Variants in CNTNAP4 observed in about 807,000 individuals in gnomAD.
The protein encoded by CNTNAP4 is contactin associated protein family member 4.
CNTNAP4 carries 98 observed loss-of-function variants against 148.4 expected under a neutral mutation model. The ratio of observed to expected loss-of-function variants is 0.66; its 90% confidence interval spans 0.56 to 0.78. CNTNAP4 has a LOEUF of 0.78. Ranked by LOEUF, CNTNAP4 falls within the 30% of genes least tolerant of loss-of-function variation. The pLI is 0.00. For synonymous variants in CNTNAP4, 730 were observed against 565.1 expected, an observed-to-expected ratio of 1.29 and a Z score of -4.14; for missense variants, 1,935 against 1,565.6, an observed-to-expected ratio of 1.24 and a Z score of -3.98.
chr16:76,298,482 ATGTATGTGTGTGTG>A (rs1180888696), intron 1 of CNTNAP4, among the ~76,000 whole-genome samples: 3 of 125,700 alleles, frequency 2.4e-5, no homozygotes, highest in African/African-American at 1.2e-4. Context: ...ATGTGTGTAC[ATGTATGTGTGTGTG>A]TGTGTGTGTG....
At chr16:76,447,082 C>T (rs1399490355) in intron 4 of CNTNAP4, among the ~76,000 whole-genome samples, 1 of 152,054 alleles carries the variant, frequency 6.6e-6, no homozygotes, top group Non-Finnish European at 1.5e-5. Context: ...CTGAGGTAGG[C>T]AGATCGCCTA....
intron 3 of CNTNAP4, among the ~76,000 whole-genome samples, chr16:76,423,532 A>G (rs1450300119): frequency 1.3e-5 from 2 of 152,230 alleles, no homozygotes; most frequent in Non-Finnish European, 2.9e-5. Flanking sequence ...ACTTAAATCC[A>G]TGCATTCCTT....
At chr16:76,535,932 G>C (rs954614708) in intron 18 of CNTNAP4, 148 bp downstream of exon 18, 11 of 782,598 alleles carry the variant, frequency 1.4e-5, no homozygotes, top group Non-Finnish European at 2.2e-5. Context: ...TAAAGAATGA[G>C]TACAAGATCC....
intron 2 of CNTNAP4, among the ~76,000 whole-genome samples, chr16:76,319,115 A>G (rs887225482): frequency 6.6e-6 from 1 of 152,078 alleles, no homozygotes; most frequent in Non-Finnish European, 1.5e-5. Flanking sequence ...CATTGCTACT[A>G]AAAGTGGCTC....
intron 15 of CNTNAP4, among the ~76,000 whole-genome samples, chr16:76,505,171 T>A (rs183239319): frequency 2.6e-5 from 4 of 152,172 alleles, no homozygotes; most frequent in African/African-American, 9.7e-5. Flanking sequence ...TTGTTATTAT[T>A]ATTGGCTTTA....
chr16:76,342,912 A>C (rs16944247), intron 2 of CNTNAP4, among the ~76,000 whole-genome samples: 340 of 152,292 alleles, frequency 2.2e-3, no homozygotes, highest in African/African-American at 7.8e-3. Flanking sequence ...TTGCTTATCA[A>C]AAGTATTTGC....
intron 3 of CNTNAP4, among the ~76,000 whole-genome samples, chr16:76,394,686 T>G (rs1020524242): frequency 4.6e-5 from 7 of 152,188 alleles, no homozygotes; most frequent in Admixed American, 2.0e-4. Context: ...GAAATTCAAC[T>G]TAAATATTTT....
intron 1 of CNTNAP4, among the ~76,000 whole-genome samples, chr16:76,310,234 G>A (rs1355808385): frequency 6.6e-6 from 1 of 152,126 alleles, no homozygotes; most frequent in Admixed American, 6.6e-5. Context: ...CGCCACCTGG[G>A]ATCCTGAAAT....
At chr16:76,468,678 G>A (rs1412597554) in intron 10 of CNTNAP4, among the ~76,000 whole-genome samples, 2 of 151,866 alleles carry the variant, frequency 1.3e-5, no homozygotes, top group Non-Finnish European at 2.9e-5. Flanking sequence ...TAGAGACAGG[G>A]TTTTGCCATG....
At chr16:76,441,276 C>T (rs1053497129) in intron 4 of CNTNAP4, among the ~76,000 whole-genome samples, 2 of 152,096 alleles carry the variant, frequency 1.3e-5, no homozygotes, top group Admixed American at 6.6e-5. Context: ...ACAGAAAGCT[C>T]TCCATAAATA....
intron 19 of CNTNAP4, 111 bp from the exon 20 acceptor site, chr16:76,539,608 A>AT: frequency 2.2e-6 from 2 of 915,980 alleles, no homozygotes; most frequent in Non-Finnish European, 3.3e-6. Flanking sequence ...GTATCTTCCA[A>AT]TTTTTCCCTC....
intron 3 of CNTNAP4, among the ~76,000 whole-genome samples, chr16:76,375,923 G>A (rs1416547139): frequency 1.3e-5 from 2 of 152,182 alleles, no homozygotes; most frequent in Non-Finnish European, 2.9e-5. Context: ...TTCAGATGCA[G>A]GCTCCATCTC....
At chr16:76,502,205 G>A (rs1356748842) in intron 15 of CNTNAP4, among the ~76,000 whole-genome samples, 1 of 152,038 alleles carries the variant, frequency 6.6e-6, no homozygotes, top group Non-Finnish European at 1.5e-5. Context: ...GAGGTTCATC[G>A]TCACGTGAGG....
At chr16:76,554,570 C>CA (rs2085110975) in intron 23 of CNTNAP4, among the ~76,000 whole-genome samples, 1 of 151,854 alleles carries the variant, frequency 6.6e-6, no homozygotes, top group African/African-American at 2.4e-5. Flanking sequence ...AAAAGCAACT[C>CA]AAAAAACAAG....
intron 1 of CNTNAP4, among the ~76,000 whole-genome samples, chr16:76,303,020 C>T (rs1199614992): frequency 6.6e-6 from 1 of 152,198 alleles, no homozygotes; most frequent in Non-Finnish European, 1.5e-5. Context: ...CTAATGCACA[C>T]CTACTCTGCC....
intron 15 of CNTNAP4, among the ~76,000 whole-genome samples, chr16:76,499,988 T>C (rs2082563157): frequency 6.6e-6 from 1 of 152,124 alleles, no homozygotes; most frequent in African/African-American, 2.4e-5. Flanking sequence ...CAATCTGATC[T>C]CTCTTTCTTT....
At chr16:76,470,886 C>G (rs2081345819) in intron 10 of CNTNAP4, among the ~76,000 whole-genome samples, 1 of 152,092 alleles carries the variant, frequency 6.6e-6, no homozygotes, top group Non-Finnish European at 1.5e-5. Context: ...CACTGTTTCT[C>G]TCATGTGGAC....
intron 2 of CNTNAP4, among the ~76,000 whole-genome samples, chr16:76,326,983 C>T (rs1039201377): frequency 1.5e-4 from 22 of 151,682 alleles, no homozygotes; most frequent in Admixed American, 3.9e-4. Flanking sequence ...AAAAGAAAAC[C>T]AAAAAAGCTC....
intron 2 of CNTNAP4, among the ~76,000 whole-genome samples, chr16:76,325,686 G>A (rs1962897368): frequency 6.6e-6 from 1 of 151,996 alleles, no homozygotes; most frequent in Admixed American, 6.6e-5. Context: ...GGTTAAATAT[G>A]AATGATTTTT....
Sources: gnomAD v4.1 joint callset for allele counts (sites outside exome capture counted in the v4.1 genomes callset) on GRCh38, gnomAD v4.1.1 for gene constraint, MANE v1.5 for transcripts, NCBI Gene and HGNC (gene_info 2026-07-23, HGNC 2026-07-21) for gene names.